WWC2: variants seen among roughly 807,000 people sequenced by gnomAD.
The protein encoded by WWC2 is protein WWC2.
In WWC2, 101 loss-of-function variants were observed where a neutral mutation model predicts 138.5. The observed-to-expected ratio is 0.73, with a 90% CI of 0.62 to 0.86. The LOEUF (loss-of-function observed/expected upper bound fraction) is 0.86. WWC2 is among the 40% of genes least tolerant of loss of function. The probability of loss-of-function intolerance (pLI) is 0.00; values close to 1 mark genes in which losing one functional copy is unlikely to be tolerated. For synonymous variants in WWC2, 558 were observed against 538.4 expected, an observed-to-expected ratio of 1.04 and a Z score of -0.50; for missense variants, 1,420 against 1,419.4, an observed-to-expected ratio of 1.00 and a Z score of -0.01.
At chr4:183,256,884 G>GCCCCCCC (rs60733090) in intron 9 of WWC2, among the ~76,000 whole-genome samples, 1 of 81,112 alleles carries the variant, frequency 1.2e-5, no homozygotes, top group African/African-American at 7.8e-5. Flanking sequence ...TGATCCTACA[G>GCCCCCCC]CCCCCCCCCC....
chr4:183,197,343 A>G lies in WWC2; in HGVS notation c.241+3635A>G, dbSNP rs796104951. Among the ~76,000 whole-genome samples, 12 of 152,368 alleles carry G rather than the reference A, an allele frequency of 7.9e-5. 1 individual carries two copies. Among genetic ancestry groups the G allele is most frequent in the African/African-American group, 2.9e-4 (12 of 41,592 alleles). On this transcript the variant is annotated intron_variant, in intron 2 of 22. Transcript: ENST00000403733. ...AATCTTCAAGACATTCCTGTGAAGT[A>G]GTTTAGGAAGCAAATGGTATTATCT... is the stretch of plus-strand genomic sequence containing the variant.
intron 1 of WWC2, among the ~76,000 whole-genome samples, chr4:183,130,253 C>T (rs776283709): frequency 2.0e-5 from 3 of 152,066 alleles, no homozygotes; most frequent in Non-Finnish European, 2.9e-5. Context: ...GGGGTTTCAT[C>T]GTGTTAGCCA....
Position 183,193,680 on chromosome 4 carries a change from T to A in WWC2, c.213T>A (p.Ile71=). ...WGWEAGFDPQ[I]GVYYIDHINK... ...GGGAAGCAGGGTTTGACCCTCAGAT[T>A]GGTGTCTACTACATCGATCACATCA... Residue 71 remains isoleucine (I), a synonymous_variant, in exon 2 of 23, where the codon ATT becomes ATA. Transcript: ENST00000403733. 2 of 1,613,826 alleles carry A rather than the reference T, an allele frequency of 1.2e-6. No homozygotes were observed. Among genetic ancestry groups the A allele is most frequent in the Non-Finnish European group, 1.7e-6 (2 of 1,179,822 alleles).
chr4:183,239,230 G>A (rs932158649), intron 4 of WWC2, among the ~76,000 whole-genome samples: 1 of 151,924 alleles, frequency 6.6e-6, no homozygotes, highest in Non-Finnish European at 1.5e-5. Context: ...CATGAGAATC[G>A]CTTGAACCCG....
rs979113384 is a variant in WWC2, at chr4:183,261,097, G to C, written c.1474G>C (p.Glu492Gln). The part of the protein sequence containing the change: ...YQYKLDFLLQ[E>Q]KSGYIPSGPI... ...GTATAAACTGGACTTCCTTCTGCAAGAGAAAAGCGGTTACATTCCTTCTGG... is the reference window on the plus strand; with the variant it reads ...GTATAAACTGGACTTCCTTCTGCAACAGAAAAGCGGTTACATTCCTTCTGG... The change falls in exon 11 of 23, where the codon GAG becomes CAG. Residue 492 changes from glutamate (E) to glutamine (Q), a missense_variant. By Grantham distance (29) the Glu-to-Gln change is conservative. Transcript: ENST00000403733. The C allele has an allele frequency of 5.0e-6, 8 of 1,613,988 alleles. No homozygotes were observed. The highest frequency in any genetic ancestry group is 6.8e-6 in the Non-Finnish European group (8 of 1,179,892).
chr4:183,123,111 C>G (rs190048028), intron 1 of WWC2, among the ~76,000 whole-genome samples: 1 of 152,222 alleles, frequency 6.6e-6, no homozygotes, highest in East Asian at 1.9e-4. Context: ...GCCGTTGGCA[C>G]AATGTATGTC....
At chr4:183,179,348 A>G (rs1385405018) in intron 1 of WWC2, among the ~76,000 whole-genome samples, 1 of 152,174 alleles carries the variant, frequency 6.6e-6, no homozygotes, top group Non-Finnish European at 1.5e-5. Flanking sequence ...TTTAACTAAA[A>G]TCTTATATTA....
chr4:183,297,444 T>A (rs1738670973), intron 21 of WWC2, among the ~76,000 whole-genome samples: 1 of 151,508 alleles, frequency 6.6e-6, no homozygotes, highest in African/African-American at 2.4e-5. Context: ...AGCTTCACTC[T>A]TGTCACCCAG....
chr4:183,161,592 A>G (rs938656845), intron 1 of WWC2, among the ~76,000 whole-genome samples: 1 of 152,220 alleles, frequency 6.6e-6, no homozygotes, highest in African/African-American at 2.4e-5. Flanking sequence ...GTCAGGACGG[A>G]CTGCATATAT....
chr4:183,304,889 G>C (rs1011818292), intron 21 of WWC2, among the ~76,000 whole-genome samples: 9 of 152,164 alleles, frequency 5.9e-5, no homozygotes, highest in Non-Finnish European at 1.3e-4. Flanking sequence ...AAAAAACAGA[G>C]TTTAAAGAGG....
In WWC2 at chr4:183,261,431, A is replaced by G. The variant is rs1737326392; in HGVS notation, c.1808A>G (p.Gln603Arg). 6.2e-7 allele frequency: 1 copy of G among 1,612,634 alleles called. No homozygotes were observed. The change falls in exon 11 of 23, where the codon CAG (glutamine) becomes CGG (arginine). Residue 603 changes from glutamine to arginine, a missense_variant. Gln to Arg is a conservative substitution (Grantham distance 43). Transcript: ENST00000403733. ...GCAGATATCAGCCTCATCGAAAATC[A>G]GATTTTGCTGGATTCTGATTCAGGA... ...HFADISLIENQILLDSDSGGA... is the reference protein window; with the variant it reads ...HFADISLIENRILLDSDSGGA...
chr4:183,292,165 C>T (rs1738474981), intron 21 of WWC2, among the ~76,000 whole-genome samples: 1 of 151,990 alleles, frequency 6.6e-6, no homozygotes, highest in African/African-American at 2.4e-5. Flanking sequence ...CACTGCGTTC[C>T]AGCTTAGGTG....
intron 2 of WWC2, among the ~76,000 whole-genome samples, chr4:183,205,523 CATT>C (rs1580056049): frequency 2.0e-5 from 3 of 152,092 alleles, no homozygotes; most frequent in South Asian, 2.1e-4. Flanking sequence ...ATGTTGGTAA[CATT>C]ATAGTGGATG....
intron 4 of WWC2, among the ~76,000 whole-genome samples, chr4:183,212,484 A>AT (rs1735626113): frequency 6.6e-6 from 1 of 152,244 alleles, no homozygotes. Context: ...CTTACAAAAA[A>AT]GGAAATGAAG....
At chr4:183,101,164 A>C (rs981068034) in intron 1 of WWC2, among the ~76,000 whole-genome samples, 38 of 152,214 alleles carry the variant, frequency 2.5e-4, no homozygotes, top group Non-Finnish European at 3.1e-4. Flanking sequence ...AATAACAATA[A>C]ATTCTTGAAA....
intron 4 of WWC2, among the ~76,000 whole-genome samples, chr4:183,236,339 C>A (rs1227984652): frequency 2.0e-5 from 3 of 151,956 alleles, no homozygotes; most frequent in Non-Finnish European, 4.4e-5. Flanking sequence ...TCGGGCGGCC[C>A]CCAGAATCAC....
At chr4:183,251,792 T>C (rs1310747730) in intron 8 of WWC2, among the ~76,000 whole-genome samples, 1 of 152,220 alleles carries the variant, frequency 6.6e-6, no homozygotes, top group African/African-American at 2.4e-5. Flanking sequence ...TCTCAAGCGC[T>C]TATGCATATG....
At chr4:183,155,054 A>G (rs1432283245) in intron 1 of WWC2, among the ~76,000 whole-genome samples, 2 of 152,214 alleles carry the variant, frequency 1.3e-5, no homozygotes, top group African/African-American at 4.8e-5. Flanking sequence ...CAATGAGAGG[A>G]AGGAGGGACA....
At position 183,265,895 on chromosome 4, in the gene WWC2, G is replaced by A; in HGVS notation, c.2151G>A (p.Val717=). 6.2e-7 allele frequency: 1 copy of A among 1,613,418 alleles called. No individual in the cohort carries two copies. The highest frequency in any genetic ancestry group is 8.5e-7 in the Non-Finnish European group (1 of 1,179,698). Residue 717 remains valine (V), a synonymous_variant, in exon 14 of 23, where the codon GTG becomes GTA. Transcript: ENST00000403733. ...RYNAKSSSFM[V]IIAQLRNLHA... ...ATGCAAAAAGTTCAAGTTTCATGGTGATTATAGCACAGCTCCGAAACCTTC... is the reference window on the plus strand; with the variant it reads ...ATGCAAAAAGTTCAAGTTTCATGGTAATTATAGCACAGCTCCGAAACCTTC...
Sources: gnomAD v4.1 joint callset for allele counts (sites outside exome capture counted in the v4.1 genomes callset) on GRCh38, gnomAD v4.1.1 for gene constraint, MANE v1.5 for transcripts, NCBI Gene and HGNC (gene_info 2026-07-23, HGNC 2026-07-21) for gene names.